The following CCSER1 variants were observed in gnomAD, a reference collection of about 807,000 sequenced individuals.
CCSER1 encodes the protein serine-rich coiled-coil domain-containing protein 1.
CCSER1 carries 41 observed loss-of-function variants against 82.0 expected under a neutral mutation model. That is an observed-to-expected ratio of 0.50 (90% confidence interval 0.39 to 0.65). The LOEUF is 0.65. Among genes scored for constraint, CCSER1 ranks in the 30% least tolerant of loss-of-function variants. The pLI is 0.00. For synonymous variants in CCSER1, 414 were observed against 383.9 expected (o/e 1.08, Z -0.92); for missense variants, 1,119 against 1,064.2 (o/e 1.05, Z -0.72).
At chr4:90,883,403 T>C (rs1427675836) in intron 8 of CCSER1, among the ~76,000 whole-genome samples, 4 of 152,042 alleles carry the variant, frequency 2.6e-5, no homozygotes, top group Admixed American at 2.0e-4. Flanking sequence ...AATATTTATA[T>C]TGACACTACA....
intron 10 of CCSER1, among the ~76,000 whole-genome samples, chr4:91,230,796 A>C (rs1738568089): frequency 6.6e-6 from 1 of 151,956 alleles, no homozygotes; most frequent in Admixed American, 6.6e-5. Flanking sequence ...GTTAAAACAC[A>C]ATTATAACTC....
At chr4:90,971,726 C>G (rs546358948) in intron 9 of CCSER1, among the ~76,000 whole-genome samples, 3 of 151,934 alleles carry the variant, frequency 2.0e-5, no homozygotes, top group South Asian at 4.1e-4. Flanking sequence ...CAACCACAGG[C>G]AAATATCCCT....
chr4:90,784,821 TTA>T (rs2149629065), intron 7 of CCSER1, among the ~76,000 whole-genome samples: 1 of 152,326 alleles, frequency 6.6e-6, no homozygotes, highest in African/African-American at 2.4e-5. Flanking sequence ...TGTTTATGTA[TTA>T]TATACTGTAT....
At chr4:90,509,513 A>T (rs78474661) in intron 5 of CCSER1, among the ~76,000 whole-genome samples, 1 of 151,922 alleles carries the variant, frequency 6.6e-6, no homozygotes, top group Non-Finnish European at 1.5e-5. Context: ...AATTGCAATC[A>T]TTTTTTTTAT....
intron 1 of CCSER1, among the ~76,000 whole-genome samples, chr4:90,254,772 G>C (rs936163300): frequency 1.2e-4 from 19 of 152,056 alleles, no homozygotes; most frequent in African/African-American, 4.6e-4. Flanking sequence ...CACTTATTGA[G>C]ATTTATTTGA....
intron 10 of CCSER1, among the ~76,000 whole-genome samples, chr4:91,316,094 G>A (rs1357267455): frequency 1.3e-5 from 2 of 151,996 alleles, no homozygotes; most frequent in Non-Finnish European, 2.9e-5. Flanking sequence ...CTGCCGCCAT[G>A]TAGGACGTAA....
intron 6 of CCSER1, among the ~76,000 whole-genome samples, chr4:90,628,780 G>A (rs1723803054): frequency 6.6e-6 from 1 of 152,104 alleles, no homozygotes; most frequent in Admixed American, 6.6e-5. Context: ...TCAGGAAAAT[G>A]CATAATGAGA....
chr4:91,162,476 T>C (rs181591613), intron 10 of CCSER1, among the ~76,000 whole-genome samples: 1 of 152,200 alleles, frequency 6.6e-6, no homozygotes, highest in Admixed American at 6.5e-5. Context: ...CCTCTTTTTC[T>C]ATTGATTGGA....
chr4:90,450,220 T>G (rs1761263226), intron 4 of CCSER1, among the ~76,000 whole-genome samples: 1 of 152,188 alleles, frequency 6.6e-6, no homozygotes, highest in Non-Finnish European at 1.5e-5. Flanking sequence ...CATGATGGCC[T>G]CTAGGTGAGA....
chr4:90,275,975 A>G (rs1727456278), intron 1 of CCSER1, among the ~76,000 whole-genome samples: 1 of 152,172 alleles, frequency 6.6e-6, no homozygotes, highest in South Asian at 2.1e-4. Flanking sequence ...CCTAATTTAC[A>G]GAGAGCATTA....
intron 6 of CCSER1, among the ~76,000 whole-genome samples, chr4:90,722,869 T>C (rs1315191758): frequency 2.0e-5 from 3 of 151,950 alleles, no homozygotes; most frequent in African/African-American, 7.2e-5. Flanking sequence ...AATCCTTGAA[T>C]AGAAAGTCTC....
At chr4:90,884,984 TAG>T (rs1721906692) in intron 8 of CCSER1, among the ~76,000 whole-genome samples, 1 of 152,176 alleles carries the variant, frequency 6.6e-6, no homozygotes, top group Non-Finnish European at 1.5e-5. Flanking sequence ...TCAATTACAA[TAG>T]AGTTAGAACT....
At chr4:91,567,799 G>A (rs1456871754) in intron 10 of CCSER1, among the ~76,000 whole-genome samples, 5 of 152,018 alleles carry the variant, frequency 3.3e-5, no homozygotes, top group Non-Finnish European at 7.4e-5. Context: ...GCTACCCACT[G>A]AGTCTTGCTT....
intron 4 of CCSER1, among the ~76,000 whole-genome samples, chr4:90,417,726 T>A (rs1438946363): frequency 6.6e-6 from 1 of 152,148 alleles, no homozygotes; most frequent in Non-Finnish European, 1.5e-5. Flanking sequence ...AATATAAAAA[T>A]TCTGCAGTGA....
At chr4:90,686,066 C>A (rs1734765723) in intron 6 of CCSER1, among the ~76,000 whole-genome samples, 1 of 152,026 alleles carries the variant, frequency 6.6e-6, no homozygotes, top group African/African-American at 2.4e-5. Context: ...CTTACAGTTA[C>A]CTTGATATTG....
intron 10 of CCSER1, among the ~76,000 whole-genome samples, chr4:91,523,690 A>T (rs1274963633): frequency 6.6e-6 from 1 of 152,144 alleles, no homozygotes; most frequent in Non-Finnish European, 1.5e-5. Context: ...CTCTGATGGT[A>T]GTTTGTATGT....
chr4:91,497,077 C>T (rs1288109162), intron 10 of CCSER1, among the ~76,000 whole-genome samples: 1 of 150,724 alleles, frequency 6.6e-6, no homozygotes, highest in African/African-American at 2.4e-5. Flanking sequence ...GCATATTATG[C>T]TAATTAAAGA....
At chr4:90,805,616 G>T (rs571829499) in intron 7 of CCSER1, among the ~76,000 whole-genome samples, 129 of 152,030 alleles carry the variant, frequency 8.5e-4, no homozygotes, top group Non-Finnish European at 1.6e-3. Flanking sequence ...ACTAGCAAAG[G>T]GTTTATAGCT....
At chr4:91,285,291 A>C (rs1332930205) in intron 10 of CCSER1, among the ~76,000 whole-genome samples, 1 of 150,916 alleles carries the variant, frequency 6.6e-6, no homozygotes, top group Non-Finnish European at 1.5e-5. Flanking sequence ...TAAAGAAAAA[A>C]GTCCTTGTGC....
Sources: allele counts gnomAD v4.1 joint callset (sites outside exome capture counted in the v4.1 genomes callset), GRCh38; gene constraint gnomAD v4.1.1; transcripts MANE v1.5; gene names NCBI Gene and HGNC (gene_info 2026-07-23, HGNC 2026-07-21).